Variants in PROZ observed in about 807,000 individuals in gnomAD.
PROZ encodes vitamin K-dependent protein Z.
Under a neutral mutation model 34.9 loss-of-function variants are expected in PROZ, and 46 were observed. That is an observed-to-expected ratio of 1.32 (90% CI 1.04 to 1.69). PROZ has a LOEUF of 1.69. Ranked by LOEUF, PROZ falls within the 40% of genes most tolerant of loss-of-function variation. PROZ has a pLI of 0.00. For missense variants in PROZ, 530 were observed against 520.4 expected (o/e 1.02, Z -0.18); for synonymous variants, 195 against 208.5 (o/e 0.94, Z 0.56).
At chr13:113,162,954 T>G in intron 3 of PROZ, 55 bp from the exon 4 acceptor site, 2 of 579,214 alleles carry the variant, frequency 3.5e-6, no homozygotes, top group Non-Finnish European at 5.9e-6. Flanking sequence ...ACCCTCCTCC[T>G]GCTCAGGTCC....
At position 113,159,893 on chromosome 13, in the gene PROZ, C is replaced by G. The variant is rs992326227; in HGVS notation, c.71-121C>G. 8.1e-6 allele frequency: 10 copies of G among 1,240,406 alleles called. No homozygotes were observed. Among genetic ancestry groups the G allele is most frequent in the Non-Finnish European group, 1.2e-5 (10 of 845,346 alleles). The allele number at this position is 1,240,406 out of a possible 1,614,324, so 76.8% of individuals were successfully genotyped here. A position where few individuals can be genotyped will look rare whatever the true frequency, so the allele number is the denominator to read the frequency against. On this transcript the variant is annotated intron_variant, in intron 1 of 7. Coordinates refer to ENST00000375547, the MANE Select transcript of PROZ (RefSeq NM_003891.3). The surrounding 1 kb of genome is among the most constrained non-coding windows in gnomAD (Gnocchi z 4.6). ...GGGGTGGCCCTGAGGCCCTCGCAGG[C>G]TGAGAGCCTGTGGAGACGGACGGGG... is the stretch of plus-strand genomic sequence containing the variant.
chr13:113,159,118 A>G lies in PROZ; in HGVS notation c.70+388A>G. ...GGGCAGAGAGAGCCTTGGCCAGGCC[A>G]GCCAGGAATGCCCAGTCTTGAGTCA... is the stretch of plus-strand genomic sequence containing the variant. On this transcript the variant is annotated intron_variant, in intron 1 of 7. Coordinates refer to ENST00000375547, the MANE Select transcript of PROZ (RefSeq NM_003891.3). The surrounding 1 kb of genome is among the most constrained non-coding windows in gnomAD (Gnocchi z 4.6). The G allele has an allele frequency of 8.6e-7, 1 of 1,157,254 alleles. No individual in the cohort carries two copies. Among genetic ancestry groups the G allele is most frequent in the Admixed American group, 2.0e-5 (1 of 49,882 alleles). 71.7% of individuals were successfully genotyped at this position (1,157,254 alleles called of 1,614,324 possible). A position where few individuals can be genotyped will look rare whatever the true frequency, so the allele number is the denominator to read the frequency against.
chr13:113,161,846 C>T (rs2988602), intron 3 of PROZ, among the ~76,000 whole-genome samples: 4 of 50,088 alleles, frequency 8.0e-5, no homozygotes, highest in Admixed American at 2.1e-4. Flanking sequence ...CCACGTCCCC[C>T]CATCCTCCTC....
rs764070582 is a variant in PROZ at position 113,164,556 on chromosome 13, C to T, written c.417C>T (p.His139=). ...CAGAGCGGACTGATGGGTGTCAACA[C>T]TTCTGCCTCCCAGGACAGGAATCCT... ...CHPERTDGCQ[H]FCLPGQESYT... is the part of the protein sequence containing the mutation. Residue 139 remains histidine, a synonymous_variant, in exon 5 of 8, where the codon CAC becomes CAT. Transcript: ENST00000375547. 29 of 1,613,508 alleles carry T rather than the reference C, an allele frequency of 1.8e-5. No homozygotes were observed. The highest frequency in any genetic ancestry group is 2.3e-5 in the Non-Finnish European group (27 of 1,180,004).
In PROZ at chr13:113,159,933, C is replaced by T. The variant is rs879182463; in HGVS notation, c.71-81C>T. 19 of 1,561,768 alleles carry T rather than the reference C, an allele frequency of 1.2e-5. No individual in the cohort carries two copies. The highest frequency in any genetic ancestry group is 2.7e-5 in the African/African-American group (2 of 73,720). On this transcript the variant is annotated intron_variant, in intron 1 of 7. Transcript: ENST00000375547. This position sits in a 1 kb window ranked among gnomAD's most constrained non-coding sequence, Gnocchi z 4.6. ...GACGGACGGGGCTGGGGCTGGCGGC[C>T]GGCCGGGGAGGAAGCCAGGCAGCTC...
At chr13:113,163,185 G>C in intron 4 of PROZ, 63 bp downstream of exon 4, 2 of 1,362,974 alleles carry the variant, frequency 1.5e-6, no homozygotes, top group Admixed American at 2.0e-5. Context: ...TCACATCCTC[G>C]GCCAGAGTCC....
At chr13:113,163,450 C>G (rs1004422487) in intron 4 of PROZ, among the ~76,000 whole-genome samples, 10 of 152,260 alleles carry the variant, frequency 6.6e-5, no homozygotes, top group African/African-American at 2.4e-4. Context: ...TCCTCAGTGC[C>G]AGACTCCCAG....
chr13:113,171,963 GA>G lies in PROZ; in HGVS notation c.1063del (p.Ser355ValfsTer22). The G allele has an allele frequency of 1.2e-6, 2 of 1,613,566 alleles. No individual in the cohort carries two copies. Among genetic ancestry groups the G allele is most frequent in the Non-Finnish European group, 1.7e-6 (2 of 1,180,042 alleles). Reference sequence around the variant, plus strand: ...GTGGCGGCCATGCACTGGATGGATGGAAGTGTGGTCACCAGAGAACACAGAG... The same window carrying G: ...GTGGCGGCCATGCACTGGATGGATGGAGTGTGGTCACCAGAGAACACAGAG... ...SSVAAMHWMD[G>X]SVVTREHRGS... On this transcript the variant is annotated frameshift_variant, in exon 8 of 8. Coordinates refer to ENST00000375547, the MANE Select transcript of PROZ (RefSeq NM_003891.3). LOFTEE classifies it low-confidence loss of function (END_TRUNC). This position sits in a 1 kb window ranked among gnomAD's most constrained non-coding sequence, Gnocchi z 5.1.
chr13:113,167,568 A>G (rs2036976266), intron 6 of PROZ, among the ~76,000 whole-genome samples: 1 of 152,162 alleles, frequency 6.6e-6, no homozygotes, highest in East Asian at 1.9e-4. Context: ...CCTTTGTCTG[A>G]TATTGATATA....
chr13:113,170,300 GGGGGGTGGGGGT>G (rs1174591007), intron 6 of PROZ, 101 bp from the exon 7 acceptor site: 39 of 664,526 alleles, frequency 5.9e-5, no homozygotes, highest in Non-Finnish European at 9.8e-5. Flanking sequence ...TGCCTTTGGC[GGGGGGTGGGGGT>G]GGGGGTGGGG....
chr13:113,172,279 G>A lies in PROZ; in HGVS notation c.*174G>A. ...CGCCGTTTGCTGGGTTGTTTACCGA[G>A]CACTGTGACCTTTCTTTCCCTGGAA... On this transcript the variant is annotated 3_prime_UTR_variant, in exon 8 of 8. Coordinates refer to ENST00000375547, the MANE Select transcript of PROZ (RefSeq NM_003891.3). 1.2e-6 allele frequency: 1 copy of A among 813,344 alleles called. No individual in the cohort carries two copies. The highest frequency in any genetic ancestry group is 2.0e-6 in the Non-Finnish European group (1 of 505,598). The allele number at this position is 813,344 out of a possible 1,614,324, so 50.4% of individuals were successfully genotyped here.
chr13:113,169,003 A>G (rs918149239), intron 6 of PROZ, among the ~76,000 whole-genome samples: 1 of 152,200 alleles, frequency 6.6e-6, no homozygotes, highest in Non-Finnish European at 1.5e-5. Context: ...TGCTGGGATT[A>G]TAGGCGTGAG....
Position 113,163,021 on chromosome 13 carries a change from G to C in PROZ, c.272G>C (p.Cys91Ser), listed in dbSNP as rs1177840891. 2 of 1,546,932 alleles carry C rather than the reference G, an allele frequency of 1.3e-6. No individual in the cohort carries two copies. Among genetic ancestry groups the C allele is most frequent in the South Asian group, 1.2e-5 (1 of 84,284 alleles). ...FWRRYKGGSP[C>S]ISQPCLHNGS... The stretch of plus-strand genomic sequence containing the variant: ...CCTCCTCCTGCAGGCGGCTCCCCGT[G>C]CATCTCCCAGCCCTGCCTCCACAAC... The change falls in exon 4 of 8, where the codon TGC becomes TCC. Residue 91 changes from cysteine to serine, a missense_variant. Transcript: ENST00000375547.
Position 113,159,925 on chromosome 13 carries a change from C to T in PROZ, c.71-89C>T. 2.0e-6 allele frequency: 3 copies of T among 1,507,140 alleles called. No homozygotes were observed. The highest frequency in any genetic ancestry group is 2.8e-6 in the Non-Finnish European group (3 of 1,085,750). The allele number at this position is 1,507,140 out of a possible 1,614,324, so 93.4% of individuals were successfully genotyped here. A position where few individuals can be genotyped will look rare whatever the true frequency, so the allele number is the denominator to read the frequency against. On this transcript the variant is annotated intron_variant, in intron 1 of 7. Transcript: ENST00000375547. The surrounding 1 kb of genome is among the most constrained non-coding windows in gnomAD (Gnocchi z 4.6). Reference sequence around the variant, plus strand: ...CCTGTGGAGACGGACGGGGCTGGGGCTGGCGGCCGGCCGGGGAGGAAGCCA... The same window carrying T: ...CCTGTGGAGACGGACGGGGCTGGGGTTGGCGGCCGGCCGGGGAGGAAGCCA...
intron 4 of PROZ, among the ~76,000 whole-genome samples, chr13:113,164,177 A>T (rs2036845191): frequency 6.6e-6 from 1 of 151,774 alleles, no homozygotes; most frequent in Non-Finnish European, 1.5e-5. Flanking sequence ...ATGGGGTTTC[A>T]CCATGTTGGC....
At chr13:113,166,741 C>A (rs3024742) in intron 6 of PROZ, among the ~76,000 whole-genome samples, 1,527 of 152,304 alleles carry the variant, frequency 0.01, 38 homozygotes, top group African/African-American at 0.035. Context: ...TCGCTGTCTG[C>A]CCCATGAGTG....
rs3024781 is a variant in PROZ at position 113,164,104 on chromosome 13, C to T, written c.374-409C>T. ...AAGTGATTCTCCTGCCTCAGCCTCCCGAGTAACTGGGACTACAGGCACGCG... is the reference window on the plus strand; with the variant it reads ...AAGTGATTCTCCTGCCTCAGCCTCCTGAGTAACTGGGACTACAGGCACGCG... On this transcript the variant is annotated intron_variant, in intron 4 of 7. Transcript: ENST00000375547. 3.8e-3 allele frequency among the ~76,000 whole-genome samples: 571 copies of T among 152,014 alleles called. 4 individuals carry two copies. Among genetic ancestry groups the T allele is most frequent in the Non-Finnish European group, 6.8e-3 (460 of 67,978 alleles).
Sources: gnomAD v4.1 joint callset for allele counts (sites outside exome capture counted in the v4.1 genomes callset) on GRCh38, gnomAD v4.1.1 for gene constraint, Gnocchi (gnomAD v3.1) non-coding constraint, MANE v1.5 for transcripts, NCBI Gene and HGNC (gene_info 2026-07-23, HGNC 2026-07-21) for gene names.